PMP2: variants seen among roughly 807,000 people sequenced by gnomAD.
PMP2 encodes myelin P2 protein.
Under a neutral mutation model 15.9 loss-of-function variants are expected in PMP2, and 11 were observed. The observed-to-expected ratio is 0.69, with a 90% CI of 0.44 to 1.14. The LOEUF (loss-of-function observed/expected upper bound fraction) is 1.14. PMP2 is among the 50% of genes most tolerant of loss of function. The probability of loss-of-function intolerance (pLI) is 0.00; values close to 1 mark genes in which losing one functional copy is unlikely to be tolerated. For missense variants in PMP2, 151 were observed against 154.0 expected, an observed-to-expected ratio of 0.98 and a Z score of 0.10; for synonymous variants, 55 against 54.1, an observed-to-expected ratio of 1.02 and a Z score of -0.07.
chr8:81,442,882 T>A lies in PMP2; in HGVS notation c.*516A>T, dbSNP rs1433984085. ...TTAACTGTCTATAAATTTAACTGTC[T>A]ATAAATTATCCATTAATTTTAAAAT... On this transcript the variant is annotated 3_prime_UTR_variant, in exon 4 of 4. Coordinates refer to ENST00000256103, the MANE Select transcript of PMP2 (RefSeq NM_002677.5). 1 of 152,166 alleles carries A rather than the reference T, an allele frequency of 6.6e-6. No individual in the cohort carries two copies. Among genetic ancestry groups the A allele is most frequent in the Non-Finnish European group, 1.5e-5 (1 of 67,982 alleles). 9.4% of individuals were successfully genotyped at this position (152,166 alleles called of 1,614,324 possible).
Position 81,444,827 on chromosome 8 carries a change from C to T in PMP2, c.236G>A (p.Arg79Lys). ...QEFEETTADN[R>K]KTKSIVTLQR... is the part of the protein sequence containing the mutation. ...AACATTAAAGATTACCTTGGTCTTT[C>T]TATTGTCAGCTGTGGTTTCTTCAAA... The change falls in exon 2 of 4, where the codon AGA (arginine) becomes AAA (lysine). Residue 79 changes from arginine (R) to lysine (K), a missense_variant. Transcript: ENST00000256103. The T allele has an allele frequency of 6.2e-7, 1 of 1,613,114 alleles. No individual in the cohort carries two copies. Among genetic ancestry groups the T allele is most frequent in the Non-Finnish European group, 8.5e-7 (1 of 1,179,780 alleles).
chr8:81,446,114 G>A (rs1333483944), intron 1 of PMP2, among the ~76,000 whole-genome samples: 1 of 152,132 alleles, frequency 6.6e-6, no homozygotes, highest in Non-Finnish European at 1.5e-5. Flanking sequence ...AAGAAGTTAA[G>A]AGTTACAGCC....
At position 81,441,419 on chromosome 8, in the gene PMP2, T is replaced by C. The variant is rs1434901822; in HGVS notation, c.*1979A>G. ...ATTCTTGCCTGAGCCATATTTACTGTGATGGTTGAAAAATGATGGTTTTCC... is the reference window on the plus strand; with the variant it reads ...ATTCTTGCCTGAGCCATATTTACTGCGATGGTTGAAAAATGATGGTTTTCC... On this transcript the variant is annotated 3_prime_UTR_variant, in exon 4 of 4. Coordinates refer to ENST00000256103, the MANE Select transcript of PMP2 (RefSeq NM_002677.5). 1 of 152,116 alleles carries C rather than the reference T, an allele frequency of 6.6e-6. No individual in the cohort carries two copies. Among genetic ancestry groups the C allele is most frequent in the East Asian group, 1.9e-4 (1 of 5,188 alleles). 9.4% of individuals were successfully genotyped at this position (152,116 alleles called of 1,614,324 possible). A position where few individuals can be genotyped will look rare whatever the true frequency, so the allele number is the denominator to read the frequency against.
At position 81,444,855 on chromosome 8, in the gene PMP2, C is replaced by T. The variant is rs758218348; in HGVS notation, c.208G>A (p.Glu70Lys). ...TTGTCAGCTGTGGTTTCTTCAAATT[C>T]CTGGCCTAGCTTGAAGGAGATTTCT... ...NTEISFKLGQEFEETTADNRK... is the reference protein window; with the variant it reads ...NTEISFKLGQKFEETTADNRK... The change falls in exon 2 of 4, where the codon GAA (glutamate) becomes AAA (lysine). Residue 70 changes from glutamate to lysine, a missense_variant. Transcript: ENST00000256103. 4 of 1,613,814 alleles carry T rather than the reference C, an allele frequency of 2.5e-6. No homozygotes were observed. The highest frequency in any genetic ancestry group is 3.4e-6 in the Non-Finnish European group (4 of 1,179,890).
rs539117196 is a variant in PMP2 at position 81,441,339 on chromosome 8, C to T, written c.*2059G>A. 2 of 152,134 alleles carry T rather than the reference C, an allele frequency of 1.3e-5. No homozygotes were observed. The highest frequency in any genetic ancestry group is 6.5e-5 in the Admixed American group (1 of 15,270). The allele number at this position is 152,134 out of a possible 1,614,324, so 9.4% of individuals were successfully genotyped here. A position where few individuals can be genotyped will look rare whatever the true frequency, so the allele number is the denominator to read the frequency against. ...GAGATACTTTAAGCCCAGACTAATA[C>T]CCTAATATCCTGCTCCTAAGCGAAA... On this transcript the variant is annotated 3_prime_UTR_variant, in exon 4 of 4. Transcript: ENST00000256103.
chr8:81,445,274 G>C (rs562690754), intron 1 of PMP2, among the ~76,000 whole-genome samples: 1 of 151,652 alleles, frequency 6.6e-6, no homozygotes, highest in Non-Finnish European at 1.5e-5. Flanking sequence ...GTCCTGGTTG[G>C]AGTGCAATGG....
At position 81,444,821 on chromosome 8, in the gene PMP2, G is replaced by A. The variant is rs1040745489; in HGVS notation, c.242C>T (p.Thr81Ile). The A allele has an allele frequency of 3.3e-5, 53 of 1,612,794 alleles. No individual in the cohort carries two copies. The highest frequency in any genetic ancestry group is 4.5e-5 in the East Asian group (2 of 44,862). ...AAGAGAAACATTAAAGATTACCTTGGTCTTTCTATTGTCAGCTGTGGTTTC... is the reference window on the plus strand; with the variant it reads ...AAGAGAAACATTAAAGATTACCTTGATCTTTCTATTGTCAGCTGTGGTTTC... ...FEETTADNRK[T>I]KSIVTLQRGS... The change falls in exon 2 of 4, where the codon ACC becomes ATC. Residue 81 changes from threonine to isoleucine, a missense_variant. Thr to Ile is a moderately conservative substitution (Grantham distance 89, BLOSUM62 -1). Transcript: ENST00000256103.
In PMP2 at chr8:81,447,291, GAAC is replaced by G. The variant is rs1807463377; in HGVS notation, c.73+20_73+22del. On this transcript the variant is annotated intron_variant, in intron 1 of 3. Coordinates refer to ENST00000256103, the MANE Select transcript of PMP2 (RefSeq NM_002677.5). The stretch of plus-strand genomic sequence containing the variant: ...TTTCTTAAAAAGGAGCTTTTCAGCA[GAAC>G]AACAAAAAGCATTTCTTACCCAGAG... 3 of 1,583,632 alleles carry G rather than the reference GAAC, an allele frequency of 1.9e-6. No homozygotes were observed. The highest frequency in any genetic ancestry group is 1.7e-5 in the Admixed American group (1 of 59,952).
intron 1 of PMP2, among the ~76,000 whole-genome samples, chr8:81,445,746 A>G (rs997758911): frequency 2.6e-5 from 4 of 152,196 alleles, no homozygotes; most frequent in Non-Finnish European, 4.4e-5. Context: ...CCTCAATACC[A>G]TATTATGGAT....
rs1474359629 is a variant in PMP2 at position 81,444,489 on chromosome 8, G to A, written c.348+11C>T. On this transcript the variant is annotated intron_variant, in intron 3 of 3. Transcript: ENST00000256103. ...CATTATTTCTCTATTTAGAAGTAAAGATACTCTTACCGCTACCATTTTCCC... is the reference window on the plus strand; with the variant it reads ...CATTATTTCTCTATTTAGAAGTAAAAATACTCTTACCGCTACCATTTTCCC... The A allele has an allele frequency of 2.0e-6, 3 of 1,526,892 alleles. No individual in the cohort carries two copies. Among genetic ancestry groups the A allele is most frequent in the African/African-American group, 1.4e-5 (1 of 73,040 alleles). 94.6% of individuals were successfully genotyped at this position (1,526,892 alleles called of 1,614,324 possible). A position where few individuals can be genotyped will look rare whatever the true frequency, so the allele number is the denominator to read the frequency against.
At position 81,447,388 on chromosome 8, in the gene PMP2, G is replaced by A. The variant is rs776446091; in HGVS notation, c.-2C>T. The A allele has an allele frequency of 1.1e-5, 18 of 1,611,934 alleles. No individual in the cohort carries two copies. The highest frequency in any genetic ancestry group is 1.1e-4 in the East Asian group (5 of 44,884). Reference sequence around the variant, plus strand: ...GGTGCCCAGGAATTTGTTGCTCATCGTGATGGGTGAGAGCTCAACACAGTT... The same window carrying A: ...GGTGCCCAGGAATTTGTTGCTCATCATGATGGGTGAGAGCTCAACACAGTT... On this transcript the variant is annotated 5_prime_UTR_variant, in exon 1 of 4. In the 5' UTR this introduces an upstream ATG that the reference lacks. Coordinates refer to ENST00000256103, the MANE Select transcript of PMP2 (RefSeq NM_002677.5).
At position 81,441,346 on chromosome 8, in the gene PMP2, A is replaced by T. The variant is rs985706962; in HGVS notation, c.*2052T>A. On this transcript the variant is annotated 3_prime_UTR_variant, in exon 4 of 4. Transcript: ENST00000256103. ...TTTAAGCCCAGACTAATACCCTAATATCCTGCTCCTAAGCGAAATTTCCCC... is the reference window on the plus strand; with the variant it reads ...TTTAAGCCCAGACTAATACCCTAATTTCCTGCTCCTAAGCGAAATTTCCCC... The T allele has an allele frequency of 1.3e-5, 2 of 152,126 alleles. No individual in the cohort carries two copies. The highest frequency in any genetic ancestry group is 6.5e-5 in the Admixed American group (1 of 15,282). The allele number at this position is 152,126 out of a possible 1,614,324, so 9.4% of individuals were successfully genotyped here. A position where few individuals can be genotyped will look rare whatever the true frequency, so the allele number is the denominator to read the frequency against.
chr8:81,444,615 G>A lies in PMP2; in HGVS notation c.247-14C>T. 1 of 1,594,672 alleles carries A rather than the reference G, an allele frequency of 6.3e-7. No individual in the cohort carries two copies. Among genetic ancestry groups the A allele is most frequent in the Non-Finnish European group, 8.6e-7 (1 of 1,166,498 alleles). ...GGTTACGATGCTCTGCAAAGACAAG[G>A]TCATGCAATTGACTTGCCTGAAATT... On this transcript the variant is annotated splice_polypyrimidine_tract_variant and intron_variant, in intron 2 of 3. Coordinates refer to ENST00000256103, the MANE Select transcript of PMP2 (RefSeq NM_002677.5).
Position 81,444,586 on chromosome 8 carries a change from G to T in PMP2, c.262C>A (p.Gln88Lys), listed in dbSNP as rs764835333. 8 of 1,613,422 alleles carry T rather than the reference G, an allele frequency of 5.0e-6. No individual in the cohort carries two copies. Among genetic ancestry groups the T allele is most frequent in the Non-Finnish European group, 5.9e-6 (7 of 1,179,502 alleles). The change falls in exon 3 of 4, where the codon CAG becomes AAG. Residue 88 changes from glutamine to lysine, a missense_variant. By Grantham distance (53) the Gln-to-Lys change is moderately conservative. Coordinates refer to ENST00000256103, the MANE Select transcript of PMP2 (RefSeq NM_002677.5). ...TGCACTTGATTCAGTGATCCTCTCT[G>T]CAGGGTTACGATGCTCTGCAAAGAC... ...NRKTKSIVTL[Q>K]RGSLNQVQRW...
chr8:81,445,184 T>A (rs1016780621), intron 1 of PMP2, among the ~76,000 whole-genome samples, 195 bp from the exon 2 acceptor site: 2 of 152,168 alleles, frequency 1.3e-5, no homozygotes, highest in African/African-American at 4.8e-5. Flanking sequence ...TTAGGTTTTG[T>A]TGTTGCAAAA....
At position 81,443,452 on chromosome 8, in the gene PMP2, A is replaced by G. The variant is rs781307749; in HGVS notation, c.349-4T>C. On this transcript the variant is annotated splice_region_variant and splice_polypyrimidine_tract_variant and intron_variant, in intron 3 of 3. Transcript: ENST00000256103. ...CCACGCCCTTCATTTTACATTCCTT[A>G]AAAAAGAGAGAGGTTAATTGAGTAT... 2 of 1,591,058 alleles carry G rather than the reference A, an allele frequency of 1.3e-6. No individual in the cohort carries two copies. Among genetic ancestry groups the G allele is most frequent in the Non-Finnish European group, 1.7e-6 (2 of 1,165,422 alleles).
At chr8:81,444,410 A>T in intron 3 of PMP2, 90 bp downstream of exon 3, 2 of 796,312 alleles carry the variant, frequency 2.5e-6, no homozygotes, top group Non-Finnish European at 3.9e-6. Context: ...ATCCATTCAT[A>T]TTCCAAAGAA....
intron 1 of PMP2, among the ~76,000 whole-genome samples, chr8:81,445,607 C>T (rs1182181602): frequency 6.6e-6 from 1 of 152,130 alleles, no homozygotes; most frequent in Admixed American, 6.6e-5. Context: ...CAATCCTATT[C>T]CCCATTGAAA....
In PMP2 at chr8:81,443,248, T is replaced by C. The variant is rs1291015184; in HGVS notation, c.*150A>G. 2.3e-5 allele frequency: 12 copies of C among 528,998 alleles called. No individual in the cohort carries two copies. The highest frequency in any genetic ancestry group is 5.9e-5 in the African/African-American group (3 of 51,276). The allele number at this position is 528,998 out of a possible 1,614,324, so 32.8% of individuals were successfully genotyped here. On this transcript the variant is annotated 3_prime_UTR_variant, in exon 4 of 4. Coordinates refer to ENST00000256103, the MANE Select transcript of PMP2 (RefSeq NM_002677.5). ...AAAATGTTTAAATAACACTGACTTT[T>C]AGATTAATTCTCAGTTTAGGCCTTT...
Sources: gnomAD v4.1 joint callset for allele counts (sites outside exome capture counted in the v4.1 genomes callset) on GRCh38, gnomAD v4.1.1 for gene constraint, MANE v1.5 for transcripts, NCBI Gene and HGNC (gene_info 2026-07-23, HGNC 2026-07-21) for gene names.